ZNF91: variants seen among roughly 807,000 people sequenced by gnomAD.
ZNF91 encodes zinc finger protein 91.
Under a neutral mutation model 12.6 loss-of-function variants are expected in ZNF91, and 7 were observed. The observed-to-expected ratio is 0.55, with a 90% confidence interval of 0.31 to 1.04. ZNF91 has a LOEUF of 1.04. Ranked by LOEUF, ZNF91 falls within the 50% of genes least tolerant of loss-of-function variation. The probability of loss-of-function intolerance (pLI) is 0.05; values close to 1 mark genes in which losing one functional copy is unlikely to be tolerated. For synonymous variants in ZNF91, 453 were observed against 462.6 expected (o/e 0.98, Z 0.27); for missense variants, 1,217 against 1,385.4 (o/e 0.88, Z 1.93).
chr19:23,328,192 TGA>T (rs1366555161), intron 1 of ZNF91: 3 of 152,146 alleles, frequency 2.0e-5, no homozygotes, highest in South Asian at 2.1e-4. Context: ...TAGATCACAA[TGA>T]GAGAGACTCA....
At chr19:23,351,654 T>C (rs921828895) in intron 3 of ZNF91, among the ~76,000 whole-genome samples, 10 of 152,368 alleles carry the variant, frequency 6.6e-5, no homozygotes, top group African/African-American at 2.2e-4. Context: ...ATTTTTTCTC[T>C]CTTCTCTAAT....
chr19:23,361,510 T>C lies in ZNF91; in HGVS notation c.1469A>G (p.Tyr490Cys), dbSNP rs376069780. 28 of 1,613,872 alleles carry C rather than the reference T, an allele frequency of 1.7e-5. No homozygotes were observed. The highest frequency in any genetic ancestry group is 3.3e-5 in the Admixed American group (2 of 60,018). ...AGCTTTGCCACATTCTTCACATTTGTAGGGCTTCTCTCCAGTGTGTATCCT... is the reference window on the plus strand; with the variant it reads ...AGCTTTGCCACATTCTTCACATTTGCAGGGCTTCTCTCCAGTGTGTATCCT... ...HKRIHTGEKP[Y>C]KCEECGKAFR... The change falls in exon 4 of 4, where the codon TAC (tyrosine) becomes TGC (cysteine). Residue 490 changes from tyrosine (Y) to cysteine (C), a missense_variant. Tyr to Cys is a radical substitution (Grantham distance 194). Around this residue, in one of 2 missense-constraint regions of ZNF91, gnomAD observed 726 missense variants for 895.5 expected, o/e 0.81. Coordinates refer to ENST00000300619, the MANE Select transcript of ZNF91 (RefSeq NM_003430.4).
intron 1 of ZNF91, among the ~76,000 whole-genome samples, chr19:23,381,190 T>A (rs917478580): frequency 2.0e-5 from 3 of 152,182 alleles, no homozygotes; most frequent in African/African-American, 7.2e-5. Context: ...TGTAGGATTT[T>A]AAAAAATTTT....
Position 23,380,363 on chromosome 19 carries a change from A to G in ZNF91, c.31-5599T>C, listed in dbSNP as rs1216419036. On this transcript the variant is annotated intron_variant, in intron 1 of 3. Transcript: ENST00000300619. Reference sequence around the variant, plus strand: ...GCCTCCCGGGTAGAATCGCACCTTCACAATAATGGGAATGCGAGCATTATC... The same window carrying G: ...GCCTCCCGGGTAGAATCGCACCTTCGCAATAATGGGAATGCGAGCATTATC... 1.0e-4 allele frequency: 15 copies of G among 150,222 alleles called. No individual in the cohort carries two copies. In the Admixed American group the frequency reaches 1.0e-3, roughly 10 times the overall value. The allele number at this position is 150,222 out of a possible 1,614,324, so 9.3% of individuals were successfully genotyped here.
downstream of ZNF91, among the ~76,000 whole-genome samples, chr19:23,334,692 T>C (rs1360097292): frequency 6.6e-6 from 1 of 152,174 alleles, no homozygotes; most frequent in Non-Finnish European, 1.5e-5. Context: ...ACGGACTTCT[T>C]TTCTCTCAAA....
chr19:23,375,700 C>T (rs545975291), intron 1 of ZNF91, among the ~76,000 whole-genome samples: 2 of 150,356 alleles, frequency 1.3e-5, no homozygotes, highest in African/African-American at 4.9e-5. Flanking sequence ...AAAAAAAGAT[C>T]AATGCAAAGA....
downstream of ZNF91, among the ~76,000 whole-genome samples, chr19:23,356,930 C>G (rs899444387): frequency 6.6e-6 from 1 of 151,814 alleles, no homozygotes; most frequent in South Asian, 2.1e-4. Flanking sequence ...CCTGTCTCTA[C>G]TAAAAATACA....
intron 1 of ZNF91, 77 bp from the exon 2 acceptor site, chr19:23,374,841 A>G: frequency 1.3e-6 from 2 of 1,580,270 alleles, no homozygotes; most frequent in African/African-American, 1.4e-5. Flanking sequence ...AGGTAAAATC[A>G]GAAAGTGACT....
At chr19:23,317,906 T>C (rs1253824129) in intron 1 of ZNF91, among the ~76,000 whole-genome samples, 1 of 152,204 alleles carries the variant, frequency 6.6e-6, no homozygotes, top group Admixed American at 6.5e-5. Context: ...TGTGCAAGAA[T>C]TTTAATTTTA....
intron 1 of ZNF91, chr19:23,384,404 A>T: frequency 3.9e-6 from 1 of 259,542 alleles, no homozygotes. Flanking sequence ...AGCTAGAGCC[A>T]CTTCTGAAGC....
At chr19:23,381,847 T>C (rs1969727798) in intron 1 of ZNF91, among the ~76,000 whole-genome samples, 1 of 152,198 alleles carries the variant, frequency 6.6e-6, no homozygotes, top group African/African-American at 2.4e-5. Context: ...TCAAACAACT[T>C]ACTCAGTATC....
At chr19:23,320,956 C>T (rs995110466) in intron 1 of ZNF91, among the ~76,000 whole-genome samples, 6 of 152,130 alleles carry the variant, frequency 3.9e-5, no homozygotes, top group Admixed American at 2.0e-4. Flanking sequence ...ATTTAGCACA[C>T]GTGTCAGGCT....
chr19:23,332,560 C>T (rs763212412), intron 1 of ZNF91, among the ~76,000 whole-genome samples: 1 of 152,172 alleles, frequency 6.6e-6, no homozygotes, highest in Non-Finnish European at 1.5e-5. Flanking sequence ...CAAATACTAA[C>T]TGAAAATCTC....
Position 23,361,023 on chromosome 19 carries a change from A to G in ZNF91, c.1956T>C (p.His652=), listed in dbSNP as rs1968723292. 1.2e-6 allele frequency: 2 copies of G among 1,603,194 alleles called. No homozygotes were observed. Among genetic ancestry groups the G allele is most frequent in the African/African-American group, 1.3e-5 (1 of 74,520 alleles). Residue 652 remains histidine, a synonymous_variant, in exon 4 of 4, where the codon CAT becomes CAC. Coordinates refer to ENST00000300619, the MANE Select transcript of ZNF91 (RefSeq NM_003430.4). ...SSALAKHKRI[H]TGEKPYKCKE... ...TACATTTGTAGGGTTTCTCTCCAGT[A>G]TGAATTCTCTTATGTTTAGCAAGGG... is the stretch of plus-strand genomic sequence containing the variant.
rs1568395198 is a variant in ZNF91 at position 23,373,370 on chromosome 19, AT to A, written c.253+371del. Among the ~76,000 whole-genome samples the A allele has an allele frequency of 3.9e-3, 524 of 134,890 alleles. 7 individuals are homozygous for A. The highest frequency in any genetic ancestry group is 0.018 in the South Asian group (77 of 4,222). The allele number at this position is 134,890 out of a possible 152,430, so 88.5% of individuals were successfully genotyped here. A position where few individuals can be genotyped will look rare whatever the true frequency, so the allele number is the denominator to read the frequency against. On this transcript the variant is annotated intron_variant, in intron 3 of 3. Transcript: ENST00000300619. ...CTTATATATATATATATATATATAT[AT>A]ATATATATATATATAAATAAACAGT...
intron 3 of ZNF91, among the ~76,000 whole-genome samples, chr19:23,371,725 G>C (rs1214730927): frequency 6.6e-6 from 1 of 152,178 alleles, no homozygotes; most frequent in African/African-American, 2.4e-5. Flanking sequence ...GACTAACTGT[G>C]CAGTCATGGA....
At chr19:23,379,330 T>C (rs528290333) in intron 1 of ZNF91, among the ~76,000 whole-genome samples, 37 of 152,310 alleles carry the variant, frequency 2.4e-4, no homozygotes, top group African/African-American at 8.4e-4. Flanking sequence ...GGTTGGCACC[T>C]TATGTGTTTA....
At chr19:23,392,809 C>CA (rs963937319) in intron 1 of ZNF91, among the ~76,000 whole-genome samples, 37 of 91,930 alleles carry the variant, frequency 4.0e-4, no homozygotes, top group South Asian at 2.3e-3. Flanking sequence ...ATAAATAAGA[C>CA]AAAAAAAAAC....
chr19:23,368,440 A>G (rs296081), intron 3 of ZNF91, among the ~76,000 whole-genome samples: 43,951 of 150,588 alleles, frequency 0.29, 6,771 homozygotes, highest in East Asian at 0.39. Flanking sequence ...GCTTGAACCC[A>G]GGAGGTGGGG....
Sources: gnomAD v4.1 joint callset for allele counts (sites outside exome capture counted in the v4.1 genomes callset) on GRCh38, gnomAD v4.1.1 for gene constraint, gnomAD v4.1.1 regional missense constraint, MANE v1.5 for transcripts, NCBI Gene and HGNC (gene_info 2026-07-23, HGNC 2026-07-21) for gene names.